The following SLC7A1 variants were observed in gnomAD, a reference collection of about 807,000 sequenced individuals.
The protein encoded by SLC7A1 is high affinity cationic amino acid transporter 1.
Under a neutral mutation model 53.9 loss-of-function variants are expected in SLC7A1, and 10 were observed. That is an observed-to-expected ratio of 0.19 (90% CI 0.11 to 0.31). The LOEUF is 0.31. SLC7A1 is among the 10% of genes least tolerant of loss of function. The pLI is 1.00. For synonymous variants in SLC7A1, 342 were observed against 338.7 expected (o/e 1.01, Z -0.11); for missense variants, 525 against 827.2 (o/e 0.63, Z 4.48).
intron 1 of SLC7A1, among the ~76,000 whole-genome samples, chr13:29,592,091 G>C (rs1358032405): frequency 2.0e-5 from 3 of 152,192 alleles, no homozygotes; most frequent in Admixed American, 6.5e-5. Flanking sequence ...CAGGAGCGGT[G>C]CTGTTCCCAG....
rs2277451 is a variant in SLC7A1 at position 29,532,930 on chromosome 13, G to C, written c.423C>G (p.Gly141=). The C allele has an allele frequency of 0.093, 149,736 of 1,613,582 alleles. 15,805 individuals are homozygous for C. Among genetic ancestry groups the C allele is most frequent in the East Asian group, 0.58 (26,204 of 44,852 alleles). Residue 141 remains glycine, a synonymous_variant, in exon 4 of 13, where the codon GGC becomes GGG. Transcript: ENST00000380752. ...AWSATFDELI[G]RPIGEFSRTH... ...TCCGTGAGAACTCCCCGATGGGTCT[G>C]CCTATCAGCTCGTCGAAGGTGGCGC...
At position 29,516,385 on chromosome 13, in the gene SLC7A1, A is replaced by AC. The variant is rs1365510266; in HGVS notation, c.1678-140dup. 9 of 612,056 alleles carry AC rather than the reference A, an allele frequency of 1.5e-5. No homozygotes were observed. In the East Asian group the frequency reaches 2.5e-4, roughly 17 times the overall value. 37.9% of individuals were successfully genotyped at this position (612,056 alleles called of 1,614,324 possible). On this transcript the variant is annotated intron_variant, in intron 11 of 12. Coordinates refer to ENST00000380752, the MANE Select transcript of SLC7A1 (RefSeq NM_003045.5). ...TGTGGGGAAGAGAGAGGGAGTGCCC[A>AC]CCCCCACTCCCACACCCCACACACA...
At chr13:29,579,500 A>G (rs1253953326) in intron 1 of SLC7A1, among the ~76,000 whole-genome samples, 4 of 151,988 alleles carry the variant, frequency 2.6e-5, no homozygotes, top group Non-Finnish European at 5.9e-5. Context: ...AGCTGGTACT[A>G]CAGGCACACA....
At chr13:29,535,761 A>C in intron 3 of SLC7A1, 58 bp downstream of exon 3, 2 of 1,555,234 alleles carry the variant, frequency 1.3e-6, no homozygotes, top group Non-Finnish European at 1.8e-6. Context: ...CACACTTTGG[A>C]GGTGGGAACA....
chr13:29,554,306 GA>G (rs1870336337), intron 1 of SLC7A1, among the ~76,000 whole-genome samples: 1 of 152,288 alleles, frequency 6.6e-6, no homozygotes, highest in Admixed American at 6.5e-5. Context: ...GGTGTCTTCT[GA>G]AAACACTTGG....
chr13:29,580,609 C>G (rs1027660639), intron 1 of SLC7A1, among the ~76,000 whole-genome samples: 1 of 152,158 alleles, frequency 6.6e-6, no homozygotes, highest in Non-Finnish European at 1.5e-5. Flanking sequence ...GTCTCCTTAC[C>G]TGATTGATTT....
At chr13:29,562,950 A>T (rs1326621428) in intron 1 of SLC7A1, among the ~76,000 whole-genome samples, 1 of 152,206 alleles carries the variant, frequency 6.6e-6, no homozygotes, top group African/African-American at 2.4e-5. Context: ...TGCATGATTC[A>T]TCCTTCCTTT....
At chr13:29,540,390 T>C (rs1170386441) in intron 2 of SLC7A1, among the ~76,000 whole-genome samples, 1 of 152,208 alleles carries the variant, frequency 6.6e-6, no homozygotes, top group Non-Finnish European at 1.5e-5. Context: ...AAAAGCACGT[T>C]TCCCACAGGA....
chr13:29,548,256 T>G (rs141121930), intron 2 of SLC7A1, among the ~76,000 whole-genome samples: 1,603 of 152,352 alleles, frequency 0.011, 24 homozygotes, highest in African/African-American at 0.037. Flanking sequence ...TCACAGGCTA[T>G]TCAAAAGCTG....
chr13:29,565,764 C>A (rs530418207), intron 1 of SLC7A1, among the ~76,000 whole-genome samples: 1 of 152,148 alleles, frequency 6.6e-6, no homozygotes, highest in South Asian at 2.1e-4. Context: ...CCGGTGGGCT[C>A]CCCCAGGATG....
In SLC7A1 at chr13:29,536,089, T is replaced by C. The variant is rs1208123414; in HGVS notation, c.100A>G (p.Thr34Ala). Reference sequence around the variant, plus strand: ...ACCCCGAGGGCCACCAGATCAAAAGTGTTCAGGCAGCGAGACAGCCGCGTC... The same window carrying C: ...ACCCCGAGGGCCACCAGATCAAAAGCGTTCAGGCAGCGAGACAGCCGCGTC... The part of the protein sequence containing the change: ...EETRLSRCLN[T>A]FDLVALGVGS... Residue 34 changes from threonine (T) to alanine (A), a missense_variant, in exon 3 of 13, where the codon ACT becomes GCT. Physicochemically the swap from Thr to Ala is moderately conservative, Grantham distance 58. This residue lies in a region of SLC7A1 where 354 missense variants were observed against 587.5 expected (regional missense o/e 0.60). Transcript: ENST00000380752. 1 of 1,613,916 alleles carries C rather than the reference T, an allele frequency of 6.2e-7. No homozygotes were observed. The highest frequency in any genetic ancestry group is 1.1e-5 in the South Asian group (1 of 91,072).
At position 29,571,655 on chromosome 13, in the gene SLC7A1, T is replaced by C. The variant is rs144663663; in HGVS notation, c.-114-17795A>G. 2.0e-5 allele frequency among the ~76,000 whole-genome samples: 3 copies of C among 152,372 alleles called. No homozygotes were observed. In the East Asian group the frequency reaches 5.8e-4, roughly 29 times the overall value. ...GGAAATGAAAGGCTTTTGCTTTACC[T>C]ATTCCACCAGAGGGGCGGCTTCTCC... On this transcript the variant is annotated intron_variant, in intron 1 of 12. Transcript: ENST00000380752.
At chr13:29,534,764 A>C (rs9578105) in intron 3 of SLC7A1, among the ~76,000 whole-genome samples, 10,617 of 151,454 alleles carry the variant, frequency 0.07, 459 homozygotes, top group Middle Eastern at 0.14. Context: ...GCTCAACTTA[A>C]CAGGTCTTAC....
At chr13:29,582,144 A>G (rs1871674428) in intron 1 of SLC7A1, among the ~76,000 whole-genome samples, 1 of 152,240 alleles carries the variant, frequency 6.6e-6, no homozygotes, top group African/African-American at 2.4e-5. Flanking sequence ...GTGGGTGTAC[A>G]ACACAGACCT....
intron 3 of SLC7A1, among the ~76,000 whole-genome samples, chr13:29,533,448 T>C (rs900189874): frequency 2.0e-5 from 3 of 152,166 alleles, no homozygotes; most frequent in African/African-American, 7.2e-5. Context: ...TAGGAACCCC[T>C]TGGCTGCAGA....
intron 4 of SLC7A1, among the ~76,000 whole-genome samples, chr13:29,531,822 AG>A (rs1566257856): frequency 6.6e-6 from 1 of 152,202 alleles, no homozygotes; most frequent in East Asian, 1.9e-4. Context: ...TGACAGAACA[AG>A]ACTCTGTCTC....
chr13:29,573,385 G>A (rs1354070801), intron 1 of SLC7A1, among the ~76,000 whole-genome samples: 2 of 152,182 alleles, frequency 1.3e-5, no homozygotes, highest in African/African-American at 4.8e-5. Flanking sequence ...GAAGGCAGCT[G>A]TTACCAGAAT....
intron 3 of SLC7A1, among the ~76,000 whole-genome samples, chr13:29,535,201 T>A (rs1869350584): frequency 6.6e-6 from 1 of 152,162 alleles, no homozygotes; most frequent in African/African-American, 2.4e-5. Flanking sequence ...AGCAACAACA[T>A]AATGGAAACA....
At chr13:29,525,998 T>C (rs1171861480) in intron 5 of SLC7A1, among the ~76,000 whole-genome samples, 3 of 152,140 alleles carry the variant, frequency 2.0e-5, no homozygotes, top group African/African-American at 7.2e-5. Flanking sequence ...TGGCCTATGC[T>C]GAAGACAAAG....
Sources: gnomAD v4.1 joint callset for allele counts (sites outside exome capture counted in the v4.1 genomes callset) on GRCh38, gnomAD v4.1.1 for gene constraint, gnomAD v4.1.1 regional missense constraint, MANE v1.5 for transcripts, NCBI Gene and HGNC (gene_info 2026-07-23, HGNC 2026-07-21) for gene names.